PRR16: variants seen among roughly 807,000 people sequenced by gnomAD.
PRR16 encodes protein Largen.
A neutral mutation model predicts 18.2 loss-of-function variants in PRR16; 6 were observed. That is an observed-to-expected ratio of 0.33 (90% CI 0.18 to 0.65). The LOEUF (loss-of-function observed/expected upper bound fraction) is 0.65, where lower values mean the gene tolerates loss of function less well. Among genes scored for constraint, PRR16 ranks in the 30% least tolerant of loss-of-function variants. The probability of loss-of-function intolerance (pLI) is 0.74; values close to 1 mark genes in which losing one functional copy is unlikely to be tolerated. For missense variants in PRR16, 412 were observed against 376.6 expected (o/e 1.09, Z -0.78); for synonymous variants, 151 against 147.8 (o/e 1.02, Z -0.16).
intron 1 of PRR16, among the ~76,000 whole-genome samples, chr5:120,501,551 C>T (rs1054521393): frequency 1.3e-5 from 2 of 152,052 alleles, no homozygotes; most frequent in African/African-American, 4.8e-5. Context: ...ACAACATTTT[C>T]CCTATGGTTT....
intron 1 of PRR16, among the ~76,000 whole-genome samples, chr5:120,603,630 G>A (rs577581806): frequency 9.9e-5 from 15 of 151,778 alleles, no homozygotes; most frequent in African/African-American, 3.4e-4. Context: ...TGTTTTTCTA[G>A]TTCCTCTAGG....
chr5:120,764,129 T>A, the PRR16 span, among the ~76,000 whole-genome samples: 2 of 151,496 alleles, frequency 1.3e-5, no homozygotes, highest in Non-Finnish European at 2.9e-5. Flanking sequence ...GACATATTTG[T>A]CTTGTTTTAG....
the PRR16 span, among the ~76,000 whole-genome samples, chr5:120,785,977 T>A: frequency 6.7e-6 from 1 of 148,546 alleles, no homozygotes; most frequent in Non-Finnish European, 1.5e-5. Context: ...AGTCATTCTT[T>A]AAAAAAAAAA....
chr5:120,696,477 T>C, the PRR16 span, among the ~76,000 whole-genome samples: 1 of 152,330 alleles, frequency 6.6e-6, no homozygotes, highest in East Asian at 1.9e-4. Context: ...AATTGTATAG[T>C]GTATTCAAGT....
chr5:120,732,453 C>T, the PRR16 span, among the ~76,000 whole-genome samples: 386 of 152,202 alleles, frequency 2.5e-3, 6 homozygotes, highest in South Asian at 0.018. Context: ...TTTCTTTCTT[C>T]CCACTATCAC....
chr5:120,684,804 A>T (rs1044825307), intron 1 of PRR16, among the ~76,000 whole-genome samples: 8 of 152,176 alleles, frequency 5.3e-5, no homozygotes, highest in African/African-American at 1.9e-4. Context: ...AAGTCTCCTT[A>T]GAACTGCATT....
intron 1 of PRR16, among the ~76,000 whole-genome samples, chr5:120,503,383 C>G (rs1045362153): frequency 6.6e-6 from 1 of 151,984 alleles, no homozygotes; most frequent in Non-Finnish European, 1.5e-5. Flanking sequence ...TCACTTAGAG[C>G]TAAGAAAAAT....
intron 1 of PRR16, among the ~76,000 whole-genome samples, chr5:120,530,282 TA>T (rs1751507827): frequency 1.1e-5 from 1 of 93,180 alleles, no homozygotes; most frequent in East Asian, 2.4e-4. Flanking sequence ...TATATATATA[TA>T]TTTATTTATT....
chr5:120,487,762 T>C (rs891796713), intron 1 of PRR16, among the ~76,000 whole-genome samples: 6 of 152,226 alleles, frequency 3.9e-5, no homozygotes, highest in African/African-American at 7.2e-5. Context: ...TTTGCCCATT[T>C]AGTATGATAT....
intron 1 of PRR16, among the ~76,000 whole-genome samples, chr5:120,625,806 T>A (rs926255170): frequency 7.2e-6 from 1 of 139,526 alleles, no homozygotes; most frequent in Non-Finnish European, 1.5e-5. Context: ...TGTATTTACG[T>A]GATGATCTGG....
chr5:120,714,000 T>C, the PRR16 span, among the ~76,000 whole-genome samples: 1 of 152,102 alleles, frequency 6.6e-6, no homozygotes, highest in Non-Finnish European at 1.5e-5. Context: ...TTCCTAGTGT[T>C]CCTAGATTTA....
chr5:120,752,154 A>G, the PRR16 span, among the ~76,000 whole-genome samples: 1 of 152,118 alleles, frequency 6.6e-6, no homozygotes, highest in East Asian at 1.9e-4. Flanking sequence ...GACTTGCTAA[A>G]AAAACTGAAT....
chr5:120,609,156 T>C (rs1351465217), intron 1 of PRR16, among the ~76,000 whole-genome samples: 3 of 152,094 alleles, frequency 2.0e-5, no homozygotes, highest in African/African-American at 7.2e-5. Context: ...TACAATTCAA[T>C]TGTTTTTGGT....
At chr5:120,589,268 C>G (rs1272481901) in intron 1 of PRR16, among the ~76,000 whole-genome samples, 2 of 152,040 alleles carry the variant, frequency 1.3e-5, no homozygotes, top group Admixed American at 6.6e-5. Flanking sequence ...TGAAACATGC[C>G]TAATTTCTTA....
At chr5:120,556,100 C>CT (rs889306545) in intron 1 of PRR16, among the ~76,000 whole-genome samples, 193 of 147,612 alleles carry the variant, frequency 1.3e-3, no homozygotes, top group South Asian at 1.9e-3. Context: ...CTCAACTCTC[C>CT]TTTTTTTTTT....
chr5:120,481,483 G>A (rs2112811108), intron 1 of PRR16, among the ~76,000 whole-genome samples: 1 of 152,218 alleles, frequency 6.6e-6, no homozygotes, highest in East Asian at 1.9e-4. Context: ...TATAGGAAAG[G>A]AATTTAGCAT....
At chr5:120,791,503 T>G in the PRR16 span, among the ~76,000 whole-genome samples, 1 of 151,432 alleles carries the variant, frequency 6.6e-6, no homozygotes, top group Non-Finnish European at 1.5e-5. Context: ...GTTTAGAACA[T>G]AATAATTAGA....
chr5:120,497,358 T>G (rs1750283568), intron 1 of PRR16, among the ~76,000 whole-genome samples: 1 of 151,762 alleles, frequency 6.6e-6, no homozygotes, highest in African/African-American at 2.4e-5. Context: ...TCTATCAGTT[T>G]TTGCTTCCCC....
the PRR16 span, among the ~76,000 whole-genome samples, chr5:120,749,153 G>A: frequency 6.6e-6 from 1 of 151,852 alleles, no homozygotes; most frequent in Non-Finnish European, 1.5e-5. Flanking sequence ...CTAAAGCAAC[G>A]TTAAACTCAT....
Sources: gnomAD v4.1 joint callset for allele counts (sites outside exome capture counted in the v4.1 genomes callset) on GRCh38, gnomAD v4.1.1 for gene constraint, MANE v1.5 for transcripts, NCBI Gene and HGNC (gene_info 2026-07-23, HGNC 2026-07-21) for gene names.